Variants in MAML2 observed in about 807,000 individuals in gnomAD.
MAML2 encodes mastermind-like protein 2.
In MAML2, 22 loss-of-function variants were observed where a neutral mutation model predicts 96.1. The observed-to-expected ratio is 0.23, with a 90% confidence interval of 0.16 to 0.33. The LOEUF (loss-of-function observed/expected upper bound fraction) is 0.33, where lower values mean the gene tolerates loss of function less well. Among genes scored for constraint, MAML2 ranks in the 10% least tolerant of loss-of-function variants. MAML2 has a pLI of 1.00. For synonymous variants in MAML2, 561 were observed against 521.3 expected (o/e 1.08, Z -1.04); for missense variants, 1,367 against 1,392.4 (o/e 0.98, Z 0.29).
chr11:96,099,425 T>C (rs1295185840), intron 1 of MAML2, among the ~76,000 whole-genome samples: 2 of 152,144 alleles, frequency 1.3e-5, no homozygotes, highest in African/African-American at 2.4e-5. Context: ...GAATCTTCAC[T>C]TCTTATTTGG....
chr11:96,247,301 C>A (rs542436460), intron 1 of MAML2, among the ~76,000 whole-genome samples: 1 of 152,114 alleles, frequency 6.6e-6, no homozygotes, highest in African/African-American at 2.4e-5. Flanking sequence ...TCTAGAGAAA[C>A]AGTTTGGAGA....
chr11:96,326,099 C>CG (rs1863773920), intron 1 of MAML2, among the ~76,000 whole-genome samples: 1 of 118,782 alleles, frequency 8.4e-6, no homozygotes, highest in African/African-American at 3.3e-5. Flanking sequence ...ACCCCGCCCC[C>CG]CCCCCATTAA....
intron 1 of MAML2, among the ~76,000 whole-genome samples, chr11:96,257,939 C>T (rs1241647236): frequency 1.4e-5 from 2 of 140,436 alleles, no homozygotes; most frequent in Non-Finnish European, 3.2e-5. Flanking sequence ...TCTCTCATTG[C>T]TCCTGTCTCT....
intron 1 of MAML2, among the ~76,000 whole-genome samples, chr11:96,212,757 AG>A (rs1200455386): frequency 1.3e-5 from 2 of 152,242 alleles, no homozygotes; most frequent in African/African-American, 2.4e-5. Context: ...TCCATAAACA[AG>A]AAAAAGTCAG....
intron 1 of MAML2, among the ~76,000 whole-genome samples, chr11:96,202,464 G>T (rs1463741514): frequency 6.6e-6 from 1 of 152,104 alleles, no homozygotes; most frequent in Non-Finnish European, 1.5e-5. Flanking sequence ...GATCAGGAAT[G>T]CGTTAGGAAA....
intron 1 of MAML2, among the ~76,000 whole-genome samples, chr11:96,289,351 CA>C (rs1443402534): frequency 2.6e-5 from 4 of 152,150 alleles, no homozygotes; most frequent in African/African-American, 9.7e-5. Flanking sequence ...CTACAATAGG[CA>C]GACTCTTATT....
intron 1 of MAML2, among the ~76,000 whole-genome samples, chr11:96,178,360 G>A (rs1191551786): frequency 2.0e-5 from 3 of 152,164 alleles, no homozygotes; most frequent in Non-Finnish European, 1.5e-5. Flanking sequence ...ATCTGACTGA[G>A]TGAAGGGCCA....
At chr11:96,151,918 G>A (rs1042184077) in intron 1 of MAML2, among the ~76,000 whole-genome samples, 1 of 152,098 alleles carries the variant, frequency 6.6e-6, no homozygotes, top group Non-Finnish European at 1.5e-5. Context: ...AAGATAAATT[G>A]TTGAAAAAAT....
chr11:96,278,642 T>G (rs774435753), intron 1 of MAML2, among the ~76,000 whole-genome samples: 2 of 152,154 alleles, frequency 1.3e-5, no homozygotes, highest in Non-Finnish European at 2.9e-5. Context: ...GAAAGATGAA[T>G]AGGACTTTAC....
rs373015786 is a variant in MAML2 at position 96,270,020 on chromosome 11, C to T, written c.513+71363G>A. On this transcript the variant is annotated intron_variant, in intron 1 of 4. Coordinates refer to ENST00000524717, the MANE Select transcript of MAML2 (RefSeq NM_032427.4). ...ATGTATGTCTTTAACCCAGACATCT[C>T]CCCTGAACTCCAGTCATATACACAA... 3.5e-5 allele frequency among the ~76,000 whole-genome samples: 5 copies of T among 143,660 alleles called. 1 individual carries two copies. In the East Asian group the frequency reaches 6.1e-4, roughly 17 times the overall value. 94.2% of individuals were successfully genotyped at this position (143,660 alleles called of 152,430 possible).
intron 2 of MAML2, among the ~76,000 whole-genome samples, chr11:96,001,273 G>C (rs904306804): frequency 3.9e-5 from 6 of 152,162 alleles, no homozygotes; most frequent in African/African-American, 1.4e-4. Flanking sequence ...TTCAGTGGGA[G>C]AGTGGCCAGG....
chr11:96,097,339 G>A (rs1186521756), intron 1 of MAML2, among the ~76,000 whole-genome samples: 1 of 152,194 alleles, frequency 6.6e-6, no homozygotes, highest in Non-Finnish European at 1.5e-5. Flanking sequence ...TAAAGGCAAG[G>A]GTTTAAATAG....
intron 2 of MAML2, among the ~76,000 whole-genome samples, chr11:96,069,663 T>C (rs1859308724): frequency 6.6e-6 from 1 of 151,980 alleles, no homozygotes; most frequent in African/African-American, 2.4e-5. Context: ...GGTGAGAGAA[T>C]GAGTCCCTAT....
chr11:96,205,838 G>C (rs991477243), intron 1 of MAML2, among the ~76,000 whole-genome samples: 1 of 152,136 alleles, frequency 6.6e-6, no homozygotes, highest in Non-Finnish European at 1.5e-5. Context: ...TGCTCCTTTG[G>C]AAAGATTCCC....
At chr11:96,318,154 T>C (rs1411233560) in intron 1 of MAML2, among the ~76,000 whole-genome samples, 3 of 152,206 alleles carry the variant, frequency 2.0e-5, no homozygotes, top group Non-Finnish European at 4.4e-5. Flanking sequence ...AAAGGGCAGA[T>C]AAAACTGAGC....
chr11:96,035,783 A>C (rs1199544771), intron 2 of MAML2, among the ~76,000 whole-genome samples: 1 of 152,196 alleles, frequency 6.6e-6, no homozygotes, highest in Non-Finnish European at 1.5e-5. Flanking sequence ...GTTCCATGAA[A>C]TGCAACAGTG....
chr11:96,222,701 G>A (rs116640770), intron 1 of MAML2, among the ~76,000 whole-genome samples: 32 of 152,140 alleles, frequency 2.1e-4, no homozygotes, highest in African/African-American at 7.2e-4. Context: ...TGCATATCGT[G>A]GCCAAAGAAC....
intron 2 of MAML2, among the ~76,000 whole-genome samples, chr11:96,086,106 A>G (rs1859607777): frequency 6.6e-6 from 1 of 152,222 alleles, no homozygotes; most frequent in Admixed American, 6.5e-5. Context: ...ATGGGAATTC[A>G]CAAAGTAATA....
In MAML2 at chr11:96,066,041, G is replaced by A. The variant is rs142301993; in HGVS notation, c.2139+25851C>T. 1.2e-3 allele frequency among the ~76,000 whole-genome samples: 187 copies of A among 152,300 alleles called. 1 individual carries two copies. Among genetic ancestry groups the A allele is most frequent in the Middle Eastern group, 6.8e-3 (2 of 294 alleles). On this transcript the variant is annotated intron_variant, in intron 2 of 4. Coordinates refer to ENST00000524717, the MANE Select transcript of MAML2 (RefSeq NM_032427.4). The stretch of plus-strand genomic sequence containing the variant: ...AGACTGAAAACTCGCTCCAAGAAAA[G>A]TGTCAATGACTGCTAATCACCTAAT...
Sources: allele counts gnomAD v4.1 joint callset (sites outside exome capture counted in the v4.1 genomes callset), GRCh38; gene constraint gnomAD v4.1.1; transcripts MANE v1.5; gene names NCBI Gene and HGNC (gene_info 2026-07-23, HGNC 2026-07-21).